COL4A6: variants seen among roughly 807,000 people sequenced by gnomAD.
COL4A6 encodes collagen alpha-6(IV) chain.
In COL4A6, 59 loss-of-function variants were observed where a neutral mutation model predicts 126.7. That is an observed-to-expected ratio of 0.47 (90% confidence interval 0.38 to 0.58). COL4A6 has a LOEUF of 0.58. Among genes scored for constraint, COL4A6 ranks in the 20% least tolerant of loss-of-function variants. COL4A6 has a pLI of 0.00. For missense variants in COL4A6, 1,285 were observed against 1,337.3 expected, an observed-to-expected ratio of 0.96 and a Z score of 0.61; for synonymous variants, 547 against 496.6, an observed-to-expected ratio of 1.10 and a Z score of -1.35.
At chrX:108,267,247 C>A (rs191179937) in intron 3 of COL4A6, among the ~76,000 whole-genome samples, 1 of 112,168 alleles carries the variant, frequency 8.9e-6, no homozygotes, top group Non-Finnish European at 1.9e-5. Flanking sequence ...CTTATAAGCA[C>A]CCTTGTGATT....
At chrX:108,276,586 T>C (rs1192827485) in intron 3 of COL4A6, among the ~76,000 whole-genome samples, 1 of 112,348 alleles carries the variant, frequency 8.9e-6, no homozygotes, top group Non-Finnish European at 1.9e-5. Context: ...CTGTGAAAGA[T>C]GAGGACATTT....
intron 2 of COL4A6, among the ~76,000 whole-genome samples, chrX:108,327,803 A>G (rs2039195672): frequency 9.0e-6 from 1 of 110,541 alleles, no homozygotes; most frequent in Admixed American, 9.7e-5. Flanking sequence ...TCAGTTTACT[A>G]TAAGTCAGTT....
intron 2 of COL4A6, among the ~76,000 whole-genome samples, chrX:108,419,881 C>T (rs1437585785): frequency 8.9e-6 from 1 of 112,090 alleles, no homozygotes; most frequent in Non-Finnish European, 1.9e-5. Context: ...AAAATTCAAA[C>T]TGAGCAAAAA....
chrX:108,356,195 G>A (rs1366996986), intron 2 of COL4A6, among the ~76,000 whole-genome samples: 4 of 101,756 alleles, frequency 3.9e-5, no homozygotes, highest in African/African-American at 1.5e-4. Context: ...GAGAACATGC[G>A]GTGTTTGGTT....
intron 3 of COL4A6, among the ~76,000 whole-genome samples, chrX:108,281,475 A>G (rs2147806850): frequency 9.7e-6 from 1 of 103,196 alleles, no homozygotes; most frequent in East Asian, 3.0e-4. Context: ...ACTACAAACC[A>G]CTGCTCAAGG....
chrX:108,174,539 A>G lies in COL4A6; in HGVS notation c.3039T>C (p.Ser1013=), dbSNP rs2034417513. ...TGAAGCCAGGGGGCCCTGGCTTTCC[A>G]CTAACTCCTTTGATAATGCCTGGGA... ...PGLPGIIKGV[S]GKPGPPGFMG... Residue 1013 remains serine, a synonymous_variant, in exon 31 of 45, where the codon AGT becomes AGC. Coordinates refer to ENST00000334504, the MANE Select transcript of COL4A6 (RefSeq NM_033641.4). The G allele has an allele frequency of 8.3e-7, 1 of 1,209,281 alleles. No individual in the cohort carries two copies. Among genetic ancestry groups the G allele is most frequent in the Non-Finnish European group, 1.1e-6 (1 of 894,301 alleles).
chrX:108,270,271 A>C (rs2037413154), intron 3 of COL4A6, among the ~76,000 whole-genome samples: 1 of 112,364 alleles, frequency 8.9e-6, no homozygotes, highest in Admixed American at 9.4e-5. Context: ...CTTCCATAAA[A>C]GAGGTGGAGT....
chrX:108,241,727 A>G (rs993033692), intron 3 of COL4A6, among the ~76,000 whole-genome samples: 6 of 108,155 alleles, frequency 5.5e-5, no homozygotes, highest in Admixed American at 1.0e-4. Context: ...CTTCTGCCAG[A>G]TTATTCTAAT....
chrX:108,351,442 CTGTGTGTG>C (rs965452058), intron 2 of COL4A6, among the ~76,000 whole-genome samples: 1 of 94,375 alleles, frequency 1.1e-5, no homozygotes, highest in South Asian at 5.3e-4. Flanking sequence ...CTCTCTCTCT[CTGTGTGTG>C]TGTGTGTGTG....
rs182651409 is a variant in COL4A6, at chrX:108,184,562, C to T, written c.1951+2534G>A. Among the ~76,000 whole-genome samples, 176 of 112,214 alleles carry T rather than the reference C, an allele frequency of 1.6e-3. 2 individuals carry two copies. The highest frequency in any genetic ancestry group is 0.013 in the Admixed American group (141 of 10,628). On this transcript the variant is annotated intron_variant, in intron 23 of 44. Transcript: ENST00000334504. Reference sequence around the variant, plus strand: ...GTGTTTGGACTCTTTTGCATATGCCCTTCTGCTTTCCACAATGAGTTGAAG... The same window carrying T: ...GTGTTTGGACTCTTTTGCATATGCCTTTCTGCTTTCCACAATGAGTTGAAG...
chrX:108,360,330 T>C (rs1237536656), intron 2 of COL4A6, among the ~76,000 whole-genome samples: 1 of 112,044 alleles, frequency 8.9e-6, no homozygotes, highest in Non-Finnish European at 1.9e-5. Flanking sequence ...CATTGGGTTC[T>C]GTCTTTCAGG....
chrX:108,296,759 T>A (rs2038337571), intron 3 of COL4A6, among the ~76,000 whole-genome samples: 1 of 112,146 alleles, frequency 8.9e-6, no homozygotes, highest in South Asian at 3.7e-4. Context: ...TTAATCTTCA[T>A]AGTAAATATT....
chrX:108,181,512 T>C (rs2034686037), intron 23 of COL4A6, among the ~76,000 whole-genome samples: 1 of 112,203 alleles, frequency 8.9e-6, no homozygotes, highest in Non-Finnish European at 1.9e-5. Flanking sequence ...CTGAAACCTA[T>C]TGATTGTCCT....
chrX:108,288,428 T>C (rs1425421484), intron 3 of COL4A6, among the ~76,000 whole-genome samples: 2 of 111,439 alleles, frequency 1.8e-5, no homozygotes, highest in Non-Finnish European at 3.8e-5. Flanking sequence ...GTAATTCCAA[T>C]TGGACAGAAA....
At chrX:108,425,753 C>T (rs1311450868) in intron 2 of COL4A6, among the ~76,000 whole-genome samples, 1 of 109,797 alleles carries the variant, frequency 9.1e-6, no homozygotes, top group East Asian at 2.9e-4. Context: ...CACACACACA[C>T]ACACACACAC....
intron 3 of COL4A6, among the ~76,000 whole-genome samples, chrX:108,307,718 G>T: frequency 8.9e-6 from 1 of 111,835 alleles, no homozygotes; most frequent in Non-Finnish European, 1.9e-5. Context: ...GGTGCCCTCT[G>T]CTCAGCTAAG....
chrX:108,172,389 A>AG (rs1199846580), intron 32 of COL4A6, 80 bp downstream of exon 32: 12 of 552,053 alleles, frequency 2.2e-5, no homozygotes, highest in South Asian at 4.9e-5. Context: ...AAAAAAAAAA[A>AG]AGAGAGAGAC....
rs374098187 is a variant in COL4A6, at chrX:108,275,843, C to T, written c.144+34905G>A. Among the ~76,000 whole-genome samples, 35 of 112,886 alleles carry T rather than the reference C, an allele frequency of 3.1e-4. No homozygotes were observed. The South Asian group carries it at 5.8e-3, about 19-fold the overall frequency. On this transcript the variant is annotated intron_variant, in intron 3 of 44. Transcript: ENST00000334504. Reference sequence around the variant, plus strand: ...ATCGTGTGGGACTGAGATTGGCATACGGGTGCACATGAGTAGAGCTTTGAA... The same window carrying T: ...ATCGTGTGGGACTGAGATTGGCATATGGGTGCACATGAGTAGAGCTTTGAA...
chrX:108,256,790 C>T (rs1271143056), intron 3 of COL4A6, among the ~76,000 whole-genome samples: 1 of 111,171 alleles, frequency 9.0e-6, no homozygotes, highest in Non-Finnish European at 1.9e-5. Flanking sequence ...ATTTGAGTTT[C>T]TTATTCAAAT....
Sources: allele counts gnomAD v4.1 joint callset (sites outside exome capture counted in the v4.1 genomes callset), GRCh38; gene constraint gnomAD v4.1.1; transcripts MANE v1.5; gene names NCBI Gene and HGNC (gene_info 2026-07-23, HGNC 2026-07-21).